PRKN: variants seen among roughly 807,000 people sequenced by gnomAD.
PRKN encodes the protein parkin RBR E3 ubiquitin protein ligase.
PRKN carries 56 observed loss-of-function variants against 59.5 expected under a neutral mutation model. The observed-to-expected ratio is 0.94, with a 90% CI of 0.76 to 1.18. The LOEUF (loss-of-function observed/expected upper bound fraction) is 1.18, where lower values mean the gene tolerates loss of function less well. Among genes scored for constraint, PRKN ranks in the 50% most tolerant of loss-of-function variants. PRKN has a pLI of 0.00. For synonymous variants in PRKN, 250 were observed against 222.1 expected, an observed-to-expected ratio of 1.13 and a Z score of -1.12; for missense variants, 657 against 596.4, an observed-to-expected ratio of 1.10 and a Z score of -1.06.
intron 9 of PRKN, among the ~76,000 whole-genome samples, chr6:161,394,225 C>T (rs907643748): frequency 5.3e-5 from 8 of 152,200 alleles, no homozygotes; most frequent in Non-Finnish European, 1.0e-4. Context: ...CACAGACTCT[C>T]ATGGTGTGAG....
Position 161,545,178 on chromosome 6 carries a change from T to G in PRKN, c.1083+3676A>C. On this transcript the variant is annotated intron_variant, in intron 9 of 11. Transcript: ENST00000366898. The surrounding 1 kb of genome is among the most constrained non-coding windows in gnomAD (Gnocchi z 4.1). ...AGCTAACATTTCTTGCATACCCACA[T>G]GGTAAGAGTTGTACTTTTTCTATCT... is the stretch of plus-strand genomic sequence containing the variant. 2 of 1,342,460 alleles carry G rather than the reference T, an allele frequency of 1.5e-6. No individual in the cohort carries two copies. Among genetic ancestry groups the G allele is most frequent in the South Asian group, 4.3e-5 (2 of 46,944 alleles). The allele number at this position is 1,342,460 out of a possible 1,614,324, so 83.2% of individuals were successfully genotyped here.
intron 1 of PRKN, among the ~76,000 whole-genome samples, chr6:162,508,121 A>G (rs2128189655): frequency 6.6e-6 from 1 of 152,316 alleles, no homozygotes; most frequent in Non-Finnish European, 1.5e-5. Flanking sequence ...AGGAGGCAAA[A>G]GGCACTTCTT....
At position 162,503,210 on chromosome 6, in the gene PRKN, T is replaced by G. The variant is rs187858623; in HGVS notation, c.8-59737A>C. Among the ~76,000 whole-genome samples, 1,031 of 145,218 alleles carry G rather than the reference T, an allele frequency of 7.1e-3. 14 individuals carry two copies. The highest frequency in any genetic ancestry group is 0.036 in the Admixed American group (493 of 13,690). ...CAGAGTCTTGCTCTGTCACCCAGGC[T>G]GGAGTGCAATGGCATGATCTCGGCT... On this transcript the variant is annotated intron_variant, in intron 1 of 11. Coordinates refer to ENST00000366898, the MANE Select transcript of PRKN (RefSeq NM_004562.3).
chr6:161,639,804 T>C (rs1386345915), intron 7 of PRKN, among the ~76,000 whole-genome samples: 3 of 152,224 alleles, frequency 2.0e-5, no homozygotes, highest in African/African-American at 7.2e-5. Flanking sequence ...GGGCTATTTA[T>C]TGGATTCCCT....
At chr6:162,633,202 G>C (rs113095450) in intron 1 of PRKN, among the ~76,000 whole-genome samples, 2 of 151,778 alleles carry the variant, frequency 1.3e-5, no homozygotes, top group African/African-American at 4.8e-5. Context: ...GGGAGGCCGA[G>C]GTGGGTGGAT....
chr6:162,456,938 G>A (rs181718950), intron 1 of PRKN, among the ~76,000 whole-genome samples: 1 of 152,042 alleles, frequency 6.6e-6, no homozygotes, highest in Non-Finnish European at 1.5e-5. Context: ...GGGCCATTTC[G>A]AACAATGAAA....
At chr6:161,780,224 C>T (rs1790145183) in intron 7 of PRKN, among the ~76,000 whole-genome samples, 1 of 152,166 alleles carries the variant, frequency 6.6e-6, no homozygotes, top group African/African-American at 2.4e-5. Context: ...TCAGAGCCAG[C>T]ATTTGAACTA....
chr6:161,523,466 C>T (rs1778910883), intron 9 of PRKN, among the ~76,000 whole-genome samples: 1 of 152,200 alleles, frequency 6.6e-6, no homozygotes, highest in Non-Finnish European at 1.5e-5. Context: ...TAGATTCACA[C>T]TTGAGTTTGC....
At chr6:162,229,657 C>T (rs1778336068) in intron 3 of PRKN, among the ~76,000 whole-genome samples, 1 of 152,198 alleles carries the variant, frequency 6.6e-6, no homozygotes, top group Non-Finnish European at 1.5e-5. Context: ...ATACACCAAA[C>T]TCAATATCTG....
At chr6:162,493,303 T>C (rs1792905078) in intron 1 of PRKN, among the ~76,000 whole-genome samples, 2 of 151,994 alleles carry the variant, frequency 1.3e-5, no homozygotes, top group South Asian at 2.1e-4. Flanking sequence ...AGGCCAAAGG[T>C]TGGAGACAGT....
intron 2 of PRKN, among the ~76,000 whole-genome samples, chr6:162,286,288 GTGTT>G (rs755392836): frequency 4.9e-4 from 74 of 151,570 alleles, no homozygotes; most frequent in African/African-American, 1.3e-3. Flanking sequence ...GGATGTTCTT[GTGTT>G]TGTTTGTTTG....
intron 1 of PRKN, among the ~76,000 whole-genome samples, chr6:162,493,288 C>T (rs1208497501): frequency 6.6e-6 from 1 of 152,116 alleles, no homozygotes; most frequent in Non-Finnish European, 1.5e-5. Context: ...CTTTATCCTT[C>T]CTGAAGGCCA....
intron 7 of PRKN, among the ~76,000 whole-genome samples, chr6:161,624,892 A>G (rs1478373271): frequency 1.3e-5 from 2 of 152,264 alleles, no homozygotes; most frequent in Non-Finnish European, 2.9e-5. Context: ...CGATAGTTGA[A>G]TTCCTACAGA....
At chr6:162,022,730 C>T (rs1783254386) in intron 5 of PRKN, among the ~76,000 whole-genome samples, 1 of 152,020 alleles carries the variant, frequency 6.6e-6, no homozygotes, top group African/African-American at 2.4e-5. Context: ...AAATTACTTA[C>T]CTAGGTCAGT....
chr6:162,431,796 TAA>T (rs1463935770), intron 2 of PRKN, among the ~76,000 whole-genome samples: 2 of 152,172 alleles, frequency 1.3e-5, no homozygotes, highest in African/African-American at 4.8e-5. Context: ...CAGGAAACCC[TAA>T]AAGATTATCA....
chr6:161,802,505 T>A (rs986467489), intron 6 of PRKN, among the ~76,000 whole-genome samples: 9 of 148,282 alleles, frequency 6.1e-5, no homozygotes, highest in African/African-American at 2.0e-4. Context: ...GACCCACACA[T>A]GCCCCACACA....
chr6:161,364,119 A>C (rs988169342), intron 10 of PRKN, among the ~76,000 whole-genome samples: 6 of 147,272 alleles, frequency 4.1e-5, no homozygotes, highest in African/African-American at 1.5e-4. Flanking sequence ...CAGTGAGCCG[A>C]GATCACGCCA....
At chr6:161,863,296 A>G (rs55794706) in intron 6 of PRKN, among the ~76,000 whole-genome samples, 10,882 of 152,054 alleles carry the variant, frequency 0.072, 1,300 homozygotes, top group African/African-American at 0.25. Context: ...GACTTTGTAA[A>G]AAAGGAAAAC....
chr6:162,412,886 A>C (rs1467392016), intron 2 of PRKN, among the ~76,000 whole-genome samples: 1 of 152,188 alleles, frequency 6.6e-6, no homozygotes, highest in Non-Finnish European at 1.5e-5. Flanking sequence ...GACTGAAAAA[A>C]AGAGCCAACT....
Sources: gnomAD v4.1 joint callset for allele counts (sites outside exome capture counted in the v4.1 genomes callset) on GRCh38, gnomAD v4.1.1 for gene constraint, Gnocchi (gnomAD v3.1) non-coding constraint, MANE v1.5 for transcripts, NCBI Gene and HGNC (gene_info 2026-07-23, HGNC 2026-07-21) for gene names.